Variants in RPF2 observed in about 807,000 individuals in gnomAD.
The protein encoded by RPF2 is brix domain containing 1.
In RPF2, 21 loss-of-function variants were observed where a neutral mutation model predicts 38.9. The observed-to-expected ratio is 0.54, with a 90% CI of 0.38 to 0.78. The LOEUF (loss-of-function observed/expected upper bound fraction) is 0.78, where lower values mean the gene tolerates loss of function less well. Ranked by LOEUF, RPF2 falls within the 30% of genes least tolerant of loss-of-function variation. RPF2 has a pLI of 0.00. For missense variants in RPF2, 314 were observed against 358.1 expected, an observed-to-expected ratio of 0.88 and a Z score of 0.99; for synonymous variants, 121 against 126.2, an observed-to-expected ratio of 0.96 and a Z score of 0.28.
At chr6:110,984,854 A>AAAC in intron 1 of RPF2, 152 bp from the exon 2 acceptor site, 2 of 921,406 alleles carry the variant, frequency 2.2e-6, no homozygotes, top group Non-Finnish European at 3.3e-6. Context: ...ACAAACAAAA[A>AAAC]AAAACAAACA....
intron 6 of RPF2, among the ~76,000 whole-genome samples, chr6:111,004,802 CAA>C (rs1771880819): frequency 6.6e-6 from 1 of 152,118 alleles, no homozygotes. Context: ...CTCCTCACCT[CAA>C]GTGATCTACC....
At chr6:110,983,212 A>C (rs1339091930) in intron 1 of RPF2, among the ~76,000 whole-genome samples, 4 of 152,206 alleles carry the variant, frequency 2.6e-5, no homozygotes, top group African/African-American at 9.6e-5. Context: ...GCAGAGGTGA[A>C]GCCCCTCTTT....
chr6:111,004,070 C>T (rs564496783), intron 6 of RPF2, among the ~76,000 whole-genome samples: 1 of 152,218 alleles, frequency 6.6e-6, no homozygotes, highest in African/African-American at 2.4e-5. Context: ...ACCTTGGCCT[C>T]CCAAAGTGCT....
At chr6:111,014,201 A>G (rs982858391) in intron 7 of RPF2, among the ~76,000 whole-genome samples, 4 of 151,384 alleles carry the variant, frequency 2.6e-5, no homozygotes, top group Non-Finnish European at 5.9e-5. Context: ...CAGTGGCGCA[A>G]TCTCGGCTCA....
intron 3 of RPF2, among the ~76,000 whole-genome samples, chr6:110,990,959 T>C (rs1299791975): frequency 1.3e-5 from 2 of 152,158 alleles, no homozygotes; most frequent in Non-Finnish European, 2.9e-5. Context: ...CACAAAATTA[T>C]CTGGGTTCAT....
rs1353949588 is a variant in RPF2 at position 111,017,256 on chromosome 6, G to A, written c.596+1400G>A. On this transcript the variant is annotated intron_variant, in intron 8 of 9. Transcript: ENST00000441448. ...GGGCTCCTCACTTCCCAGAAGGGGT[G>A]GCCGGGCAGAGGTGCCCCCAACCTC... Among the ~76,000 whole-genome samples the A allele has an allele frequency of 2.0e-5, 3 of 151,656 alleles. No homozygotes were observed. In the East Asian group the frequency reaches 6.0e-4, roughly 30 times the overall value.
At chr6:110,994,379 T>G (rs1241715903) in intron 4 of RPF2, among the ~76,000 whole-genome samples, 1 of 151,996 alleles carries the variant, frequency 6.6e-6, no homozygotes, top group African/African-American at 2.4e-5. Flanking sequence ...GGGGCCAGGA[T>G]TTCTAGACCA....
intron 4 of RPF2, among the ~76,000 whole-genome samples, chr6:110,996,863 G>C (rs1771720413): frequency 1.3e-5 from 2 of 151,962 alleles, no homozygotes; most frequent in African/African-American, 4.8e-5. Context: ...GTGCAGTGTC[G>C]CATTCTCAGC....
intron 7 of RPF2, among the ~76,000 whole-genome samples, chr6:111,008,898 C>CTTTT (rs57167034): frequency 1.2e-4 from 15 of 120,436 alleles, no homozygotes; most frequent in South Asian, 1.2e-3. Context: ...TTCCTGGCTC[C>CTTTT]TTTTTTTTTT....
chr6:111,023,753 C>T (rs978763914), intron 8 of RPF2, among the ~76,000 whole-genome samples: 4 of 151,956 alleles, frequency 2.6e-5, no homozygotes, highest in Admixed American at 2.0e-4. Context: ...TTTGGGAGGC[C>T]GAGGCAGGAG....
chr6:110,989,845 A>G (rs1359820046), intron 3 of RPF2, among the ~76,000 whole-genome samples: 1 of 151,796 alleles, frequency 6.6e-6, no homozygotes, highest in Non-Finnish European at 1.5e-5. Context: ...CTGGTCTTAA[A>G]CTTCTGACTT....
chr6:111,016,259 C>T (rs1772105944), intron 8 of RPF2, among the ~76,000 whole-genome samples: 4 of 152,268 alleles, frequency 2.6e-5, no homozygotes, highest in Admixed American at 1.3e-4. Context: ...CACTCTGTCT[C>T]TCTAGCCTAG....
chr6:111,012,139 T>A (rs575393064), intron 7 of RPF2, among the ~76,000 whole-genome samples: 4 of 151,866 alleles, frequency 2.6e-5, no homozygotes, highest in African/African-American at 9.6e-5. Context: ...ACCCATTTTG[T>A]TCATTCTTAA....
chr6:110,991,191 C>T (rs932080104), intron 3 of RPF2, among the ~76,000 whole-genome samples: 1 of 152,118 alleles, frequency 6.6e-6, no homozygotes, highest in African/African-American at 2.4e-5. Flanking sequence ...AATCATCTCT[C>T]GATTACTTAT....
At chr6:111,002,084 A>G (rs1771819793) in intron 6 of RPF2, among the ~76,000 whole-genome samples, 1 of 152,142 alleles carries the variant, frequency 6.6e-6, no homozygotes. Context: ...GTTTGAGACC[A>G]ACCTGGCCAA....
chr6:110,992,022 C>G (rs1242368220), intron 4 of RPF2, among the ~76,000 whole-genome samples: 4 of 152,114 alleles, frequency 2.6e-5, no homozygotes, highest in Non-Finnish European at 5.9e-5. Context: ...ATTTTTAAAA[C>G]TTGGCCGGGC....
chr6:111,017,461 C>T (rs1431831938), intron 8 of RPF2, among the ~76,000 whole-genome samples: 88 of 149,612 alleles, frequency 5.9e-4, no homozygotes, highest in African/African-American at 1.9e-3. Flanking sequence ...TCAGACGGGG[C>T]GGCTGCCGGG....
intron 8 of RPF2, among the ~76,000 whole-genome samples, chr6:111,017,071 A>T (rs892997381): frequency 1.1e-4 from 16 of 152,208 alleles, no homozygotes; most frequent in African/African-American, 3.9e-4. Flanking sequence ...GGAGTCTCCT[A>T]TGTCTACTTC....
In RPF2 at chr6:110,991,494, C is replaced by T. The variant is rs796277074; in HGVS notation, c.195-253C>T. 3.3e-5 allele frequency among the ~76,000 whole-genome samples: 5 copies of T among 151,608 alleles called. No homozygotes were observed. The South Asian group carries it at 1.0e-3, about 32-fold the overall frequency. Reference sequence around the variant, plus strand: ...CCATGGATGCAGAAGGATGCAGAATCCATATGTACAGAGGACTACTTATTT... The same window carrying T: ...CCATGGATGCAGAAGGATGCAGAATTCATATGTACAGAGGACTACTTATTT... On this transcript the variant is annotated intron_variant, in intron 3 of 9. Coordinates refer to ENST00000441448, the MANE Select transcript of RPF2 (RefSeq NM_032194.3).
Sources: allele counts gnomAD v4.1 joint callset (sites outside exome capture counted in the v4.1 genomes callset), GRCh38; gene constraint gnomAD v4.1.1; transcripts MANE v1.5; gene names NCBI Gene and HGNC (gene_info 2026-07-23, HGNC 2026-07-21).